Variants in UIMC1 observed in about 807,000 individuals in gnomAD.
UIMC1 encodes BRCA1-A complex subunit RAP80.
UIMC1 carries 42 observed loss-of-function variants against 84.9 expected under a neutral mutation model. The observed-to-expected ratio is 0.49, with a 90% CI of 0.39 to 0.64. The LOEUF (loss-of-function observed/expected upper bound fraction) is 0.64. UIMC1 is among the 30% of genes least tolerant of loss of function. The pLI, the probability that UIMC1 is intolerant of heterozygous loss-of-function variation, is 0.00. For missense variants in UIMC1, 825 were observed against 847.6 expected (o/e 0.97, Z 0.33); for synonymous variants, 281 against 293.0 (o/e 0.96, Z 0.42).
chr5:177,017,048 A>G (rs945984256), intron 1 of UIMC1, among the ~76,000 whole-genome samples: 1 of 148,924 alleles, frequency 6.7e-6, no homozygotes, highest in Admixed American at 6.6e-5. Flanking sequence ...ATATGAAATG[A>G]AATGAAAAAT....
At chr5:176,959,306 TATA>T (rs1454866918) in intron 6 of UIMC1, among the ~76,000 whole-genome samples, 1 of 152,236 alleles carries the variant, frequency 6.6e-6, no homozygotes, top group East Asian at 1.9e-4. Flanking sequence ...AACAGAATTT[TATA>T]ATGACTAGCC....
intron 1 of UIMC1, among the ~76,000 whole-genome samples, chr5:176,985,692 C>T (rs1264032119): frequency 6.6e-6 from 1 of 152,080 alleles, no homozygotes; most frequent in African/African-American, 2.4e-5. Flanking sequence ...ACAGCCTCAT[C>T]CTCCTTGGCT....
At chr5:177,017,146 T>C (rs968963617) in intron 1 of UIMC1, among the ~76,000 whole-genome samples, 1 of 152,222 alleles carries the variant, frequency 6.6e-6, no homozygotes, top group African/African-American at 2.4e-5. Flanking sequence ...AGTTCCACAG[T>C]TCTCCTCAAG....
At chr5:176,990,925 G>T (rs1034514293) in intron 1 of UIMC1, among the ~76,000 whole-genome samples, 1 of 151,976 alleles carries the variant, frequency 6.6e-6, no homozygotes. Context: ...TCCTGCCTTG[G>T]CCTCCTAAAA....
At chr5:176,984,235 A>C (rs1166652050) in intron 1 of UIMC1, among the ~76,000 whole-genome samples, 1 of 97,368 alleles carries the variant, frequency 1.0e-5, no homozygotes, top group Non-Finnish European at 2.1e-5. Flanking sequence ...CCATCTGGAA[A>C]GTGAGGAGTG....
rs1312335982 is a variant in UIMC1, at chr5:176,969,778, A to G, written c.358-72T>C. On this transcript the variant is annotated intron_variant, in intron 4 of 14. Transcript: ENST00000511320. ...CTATATATGAAGGGTCACAGGAAGGACAAAATGGGAGGCCACCGTTCATAA... is the reference window on the plus strand; with the variant it reads ...CTATATATGAAGGGTCACAGGAAGGGCAAAATGGGAGGCCACCGTTCATAA... The G allele has an allele frequency of 2.3e-6, 3 of 1,306,502 alleles. No homozygotes were observed. In the East Asian group the frequency reaches 7.1e-5, roughly 31 times the overall value. 80.9% of individuals were successfully genotyped at this position (1,306,502 alleles called of 1,614,324 possible). A position where few individuals can be genotyped will look rare whatever the true frequency, so the allele number is the denominator to read the frequency against.
chr5:176,953,048 G>A (rs1033339512), intron 8 of UIMC1, among the ~76,000 whole-genome samples: 12 of 152,044 alleles, frequency 7.9e-5, no homozygotes, highest in African/African-American at 2.7e-4. Context: ...AAAAGAATGG[G>A]ATTAGTGCCC....
At chr5:176,997,348 A>G (rs971622548) in intron 1 of UIMC1, among the ~76,000 whole-genome samples, 5 of 151,954 alleles carry the variant, frequency 3.3e-5, no homozygotes, top group Non-Finnish European at 4.4e-5. Flanking sequence ...TACACACCAA[A>G]GCTGTTTTCT....
intron 1 of UIMC1, among the ~76,000 whole-genome samples, chr5:176,990,910 G>T (rs904739265): frequency 2.4e-4 from 37 of 151,922 alleles, no homozygotes; most frequent in African/African-American, 8.5e-4. Flanking sequence ...GGCCTCAAAC[G>T]ATCCTCCTGC....
At chr5:176,935,238 C>CT (rs1413034339) in intron 10 of UIMC1, among the ~76,000 whole-genome samples, 1 of 152,182 alleles carries the variant, frequency 6.6e-6, no homozygotes, top group African/African-American at 2.4e-5. Flanking sequence ...AATGCCCACA[C>CT]TATAACTACA....
At chr5:176,952,902 G>A (rs1356980006) in intron 8 of UIMC1, among the ~76,000 whole-genome samples, 1 of 152,076 alleles carries the variant, frequency 6.6e-6, no homozygotes, top group African/African-American at 2.4e-5. Flanking sequence ...CAATGTATCT[G>A]GAAAAGAAAC....
At chr5:176,991,085 G>A (rs1772772059) in intron 1 of UIMC1, among the ~76,000 whole-genome samples, 1 of 151,830 alleles carries the variant, frequency 6.6e-6, no homozygotes, top group Non-Finnish European at 1.5e-5. Context: ...TCGGCTCACT[G>A]CAAGCTCTGC....
intron 10 of UIMC1, among the ~76,000 whole-genome samples, chr5:176,923,787 C>A (rs1206159693): frequency 2.0e-5 from 3 of 150,238 alleles, no homozygotes; most frequent in Non-Finnish European, 3.0e-5. Flanking sequence ...TCGCTTGAAC[C>A]CAGGAGACAG....
At chr5:176,974,476 G>A (rs62398671) in intron 3 of UIMC1, among the ~76,000 whole-genome samples, 3 of 152,178 alleles carry the variant, frequency 2.0e-5, no homozygotes, top group South Asian at 2.1e-4. Context: ...TAACCTTAGC[G>A]TAGTCAAAGA....
At chr5:176,988,130 CAA>C (rs35059681) in intron 1 of UIMC1, among the ~76,000 whole-genome samples, 39,663 of 89,808 alleles carry the variant, frequency 0.44, 5,252 homozygotes, top group East Asian at 0.48. Flanking sequence ...CGCCCCTGTC[CAA>C]AAAAAAAAAA....
chr5:177,002,425 C>G (rs1581716305), intron 1 of UIMC1, among the ~76,000 whole-genome samples: 1 of 152,226 alleles, frequency 6.6e-6, no homozygotes, highest in Non-Finnish European at 1.5e-5. Flanking sequence ...GTGGTACTTA[C>G]ACGGGTGTAC....
At chr5:176,936,746 T>A (rs1301947552) in intron 10 of UIMC1, among the ~76,000 whole-genome samples, 4 of 152,198 alleles carry the variant, frequency 2.6e-5, no homozygotes. Context: ...CACAATCTTC[T>A]TAGTTTATTC....
chr5:176,940,213 G>A (rs1764247143), intron 10 of UIMC1, among the ~76,000 whole-genome samples: 1 of 152,226 alleles, frequency 6.6e-6, no homozygotes, highest in Non-Finnish European at 1.5e-5. Context: ...CCACACTCCA[G>A]TAAGGAAGAC....
intron 2 of UIMC1, among the ~76,000 whole-genome samples, chr5:176,981,167 C>G (rs1770986050): frequency 7.8e-6 from 1 of 128,008 alleles, no homozygotes; most frequent in Non-Finnish European, 1.6e-5. Flanking sequence ...TTTTTTGAGA[C>G]GGAGTCTCCC....
Sources: allele counts gnomAD v4.1 joint callset (sites outside exome capture counted in the v4.1 genomes callset), GRCh38; gene constraint gnomAD v4.1.1; transcripts MANE v1.5; gene names NCBI Gene and HGNC (gene_info 2026-07-23, HGNC 2026-07-21).